The following PTPRQ variants were observed in gnomAD, a reference collection of about 807,000 sequenced individuals.
PTPRQ encodes the protein phosphatidylinositol phosphatase PTPRQ.
Under a neutral mutation model 246.0 loss-of-function variants are expected in PTPRQ, and 199 were observed. The observed-to-expected ratio is 0.81, with a 90% CI of 0.72 to 0.91. The LOEUF (loss-of-function observed/expected upper bound fraction) is 0.91, where lower values mean the gene tolerates loss of function less well. Ranked by LOEUF, PTPRQ falls within the 40% of genes least tolerant of loss-of-function variation. The pLI, the probability that PTPRQ is intolerant of heterozygous loss-of-function variation, is 0.00. For missense variants in PTPRQ, 2,624 were observed against 2,528.4 expected (o/e 1.04, Z -0.81); for synonymous variants, 869 against 853.2 (o/e 1.02, Z -0.32).
chr12:80,656,387 G>A (rs12314353), intron 38 of PTPRQ, among the ~76,000 whole-genome samples: 13,037 of 152,124 alleles, frequency 0.086, 738 homozygotes, highest in South Asian at 0.18. Context: ...TAACCAAGGA[G>A]CAGAGAAGCT....
chr12:80,525,390 CTTGATGTGGTCA>C (rs1361360346), intron 17 of PTPRQ, among the ~76,000 whole-genome samples: 4 of 152,112 alleles, frequency 2.6e-5, no homozygotes, highest in African/African-American at 7.2e-5. Flanking sequence ...CAGCAAGAAG[CTTGATGTGGTCA>C]ACAATGAGAT....
chr12:80,466,439 A>C, intron 6 of PTPRQ, among the ~76,000 whole-genome samples: 1 of 152,206 alleles, frequency 6.6e-6, no homozygotes, highest in Non-Finnish European at 1.5e-5. Flanking sequence ...GCCCAAGGTA[A>C]TTTATAGATT....
At chr12:80,632,313 A>G (rs1359213064) in intron 34 of PTPRQ, 22 bp downstream of exon 34, 2 of 1,551,178 alleles carry the variant, frequency 1.3e-6, no homozygotes, top group Admixed American at 2.0e-5. Flanking sequence ...TTGCGCTTAC[A>G]TTCCAGGATG....
chr12:80,448,125 T>C (rs1488124831), intron 3 of PTPRQ, among the ~76,000 whole-genome samples: 1 of 152,122 alleles, frequency 6.6e-6, no homozygotes, highest in East Asian at 1.9e-4. Context: ...AATGTATTCC[T>C]AGATATTTTA....
intron 39 of PTPRQ, among the ~76,000 whole-genome samples, chr12:80,658,616 C>A (rs1461712058): frequency 6.6e-6 from 1 of 152,068 alleles, no homozygotes; most frequent in Non-Finnish European, 1.5e-5. Context: ...AAATTCCTGT[C>A]AGCCTCTTTT....
At chr12:80,646,777 A>T (rs1900090195) in intron 35 of PTPRQ, among the ~76,000 whole-genome samples, 1 of 152,178 alleles carries the variant, frequency 6.6e-6, no homozygotes, top group Non-Finnish European at 1.5e-5. Flanking sequence ...TTAGGGAGAG[A>T]TTTTAAATGC....
intron 25 of PTPRQ, among the ~76,000 whole-genome samples, chr12:80,553,123 T>C (rs1443262823): frequency 1.3e-5 from 2 of 152,128 alleles, no homozygotes; most frequent in Admixed American, 6.6e-5. Context: ...CTAAAATTCA[T>C]TATTTTTCAT....
chr12:80,499,187 A>G (rs1020824266), intron 14 of PTPRQ, among the ~76,000 whole-genome samples: 3 of 151,884 alleles, frequency 2.0e-5, no homozygotes, highest in Admixed American at 6.6e-5. Flanking sequence ...TGAGATGGCT[A>G]AAAAAATAAA....
intron 3 of PTPRQ, among the ~76,000 whole-genome samples, chr12:80,449,416 T>G (rs1477583458): frequency 6.6e-6 from 1 of 152,194 alleles, no homozygotes; most frequent in Non-Finnish European, 1.5e-5. Context: ...TTTGTTGCCA[T>G]TGCTTTTGGT....
chr12:80,616,531 C>A lies in PTPRQ; in HGVS notation c.5230+265C>A, dbSNP rs140943037. Among the ~76,000 whole-genome samples the A allele has an allele frequency of 8.1e-3, 1,230 of 150,924 alleles. 26 individuals carry two copies. The highest frequency in any genetic ancestry group is 0.028 in the African/African-American group (1,164 of 41,342). On this transcript the variant is annotated intron_variant, in intron 30 of 44. Coordinates refer to ENST00000644991, the MANE Select transcript of PTPRQ (RefSeq NM_001145026.2). Reference sequence around the variant, plus strand: ...ATTTCTAAGTTTAAATTTTTAAAGACAAATTTTATAGTCCGTTATTTGATG... The same window carrying A: ...ATTTCTAAGTTTAAATTTTTAAAGAAAAATTTTATAGTCCGTTATTTGATG...
chr12:80,477,921 A>T (rs1043532491), intron 8 of PTPRQ, among the ~76,000 whole-genome samples: 1 of 152,172 alleles, frequency 6.6e-6, no homozygotes, highest in African/African-American at 2.4e-5. Flanking sequence ...GCAGTCTGAG[A>T]TCAAACTGCA....
chr12:80,563,147 A>G (rs990772146), intron 25 of PTPRQ, among the ~76,000 whole-genome samples: 1 of 152,208 alleles, frequency 6.6e-6, no homozygotes, highest in Non-Finnish European at 1.5e-5. Flanking sequence ...TTGGGCTGCT[A>G]TAATACCAGA....
chr12:80,583,997 G>A (rs535708903), intron 25 of PTPRQ: 44 of 152,258 alleles, frequency 2.9e-4, no homozygotes, highest in African/African-American at 1.1e-3. Context: ...AGAAATTTTT[G>A]TACGTTGAAT....
chr12:80,605,444 T>C (rs1898281886), intron 27 of PTPRQ, among the ~76,000 whole-genome samples: 1 of 151,286 alleles, frequency 6.6e-6, no homozygotes, highest in Non-Finnish European at 1.5e-5. Context: ...TTAGTAACAT[T>C]ATTATAATAT....
intron 35 of PTPRQ, among the ~76,000 whole-genome samples, chr12:80,648,309 G>A (rs1384030851): frequency 6.6e-6 from 1 of 152,046 alleles, no homozygotes; most frequent in Non-Finnish European, 1.5e-5. Context: ...GTTTGTGTAT[G>A]TTGTGTAGCC....
intron 33 of PTPRQ, among the ~76,000 whole-genome samples, chr12:80,626,241 C>A (rs903662488): frequency 3.9e-4 from 60 of 152,186 alleles, no homozygotes; most frequent in African/African-American, 1.3e-3. Flanking sequence ...TGGTGGTGAA[C>A]CTCACATACT....
chr12:80,489,627 T>C (rs10862140), intron 9 of PTPRQ, among the ~76,000 whole-genome samples: 129,270 of 151,886 alleles, frequency 0.85, 55,874 homozygotes, highest in Non-Finnish European at 0.93. Context: ...TCTTACTCAC[T>C]TGAACACAAT....
At chr12:80,678,566 A>G (rs983852533) in intron 43 of PTPRQ, 36 bp from the exon 44 acceptor site, 6 of 1,519,018 alleles carry the variant, frequency 3.9e-6, no homozygotes. Context: ...CTCTTCATCA[A>G]TATATTTGTT....
intron 38 of PTPRQ, among the ~76,000 whole-genome samples, chr12:80,656,231 A>G (rs1233151814): frequency 6.6e-6 from 1 of 152,202 alleles, no homozygotes; most frequent in Non-Finnish European, 1.5e-5. Flanking sequence ...ATTACTAACA[A>G]TACAACTAAT....
Sources: allele counts gnomAD v4.1 joint callset (sites outside exome capture counted in the v4.1 genomes callset), GRCh38; gene constraint gnomAD v4.1.1; transcripts MANE v1.5; gene names NCBI Gene and HGNC (gene_info 2026-07-23, HGNC 2026-07-21).